Variants in C1QB observed in about 807,000 individuals in gnomAD.
C1QB encodes the protein complement C1q B chain, also known as complement C1q subcomponent subunit B.
Under a neutral mutation model 4.6 loss-of-function variants are expected in C1QB, and 2 were observed. That is an observed-to-expected ratio of 0.43 (90% CI 0.18 to 1.36). C1QB has a LOEUF of 1.36. Among genes scored for constraint, C1QB ranks in the 40% most tolerant of loss-of-function variants. C1QB has a pLI of 0.28. For synonymous variants in C1QB, 132 were observed against 137.1 expected, an observed-to-expected ratio of 0.96 and a Z score of 0.26; for missense variants, 292 against 338.0, an observed-to-expected ratio of 0.86 and a Z score of 1.07.
At chr1:22,654,173 G>C (rs1642494146) in intron 1 of C1QB, 1 of 152,550 alleles carries the variant, frequency 6.6e-6, no homozygotes, top group Admixed American at 6.5e-5. Context: ...CAGAGCCTGG[G>C]GGGAGGACAG....
At chr1:22,659,712 A>C in intron 2 of C1QB, 69 bp downstream of exon 2, 1 of 1,535,486 alleles carries the variant, frequency 6.5e-7, no homozygotes, top group Non-Finnish European at 8.8e-7. Context: ...CCCAAGTCAC[A>C]GTTGCCTACC....
intron 2 of C1QB, among the ~76,000 whole-genome samples, 198 bp from the exon 3 acceptor site, chr1:22,660,614 C>T (rs1274580540): frequency 1.3e-5 from 2 of 152,118 alleles, no homozygotes; most frequent in African/African-American, 4.8e-5. Flanking sequence ...ATCAGCAGCC[C>T]CCAAGAAGGT....
At chr1:22,653,554 G>A (rs1642485179) in intron 1 of C1QB, among the ~76,000 whole-genome samples, 1 of 152,166 alleles carries the variant, frequency 6.6e-6, no homozygotes, top group South Asian at 2.1e-4. Context: ...AGGAGCTTTG[G>A]CATCGCAGAG....
intron 1 of C1QB, among the ~76,000 whole-genome samples, chr1:22,653,814 C>T (rs1450490843): frequency 6.6e-6 from 1 of 152,180 alleles, no homozygotes; most frequent in Non-Finnish European, 1.5e-5. Flanking sequence ...TGCTTATTTC[C>T]TCATACTCGC....
In C1QB at chr1:22,661,542, G is replaced by A; in HGVS notation, c.*156G>A. On this transcript the variant is annotated 3_prime_UTR_variant, in exon 3 of 3. Coordinates refer to ENST00000509305, the MANE Select transcript of C1QB (RefSeq NM_001378156.1). Reference sequence around the variant, plus strand: ...AACTCTTCAAGGCCAAGGGACAGTGGTCTAATTCAACTCTGTGTCCCAGCA... The same window carrying A: ...AACTCTTCAAGGCCAAGGGACAGTGATCTAATTCAACTCTGTGTCCCAGCA... 1 of 834,132 alleles carries A rather than the reference G, an allele frequency of 1.2e-6. No homozygotes were observed. Among genetic ancestry groups the A allele is most frequent in the South Asian group, 1.5e-5 (1 of 64,868 alleles). The allele number at this position is 834,132 out of a possible 1,614,324, so 51.7% of individuals were successfully genotyped here. A position where few individuals can be genotyped will look rare whatever the true frequency, so the allele number is the denominator to read the frequency against.
Position 22,659,625 on chromosome 1 carries a change from G to A in C1QB, c.163G>A (p.Gly55Arg), listed in dbSNP as rs771991923. 1.2e-6 allele frequency: 2 copies of A among 1,613,208 alleles called. No individual in the cohort carries two copies. The highest frequency in any genetic ancestry group is 1.7e-6 in the Non-Finnish European group (2 of 1,179,538). ...CCCCGATGGCCAACCTGGGACCCCA[G>A]GGATAAAAGGAGAGAAAGGTACCAT... is the stretch of plus-strand genomic sequence containing the variant. ...PGPDGQPGTP[G>R]IKGEKGLPGL... Residue 55 changes from glycine to arginine, a missense_variant, in exon 2 of 3, where the codon GGG (glycine) becomes AGG (arginine). By Grantham distance (125) the Gly-to-Arg change is moderately radical. Transcript: ENST00000509305.
Position 22,660,947 on chromosome 1 carries a change from G to T in C1QB, c.317G>T (p.Gly106Val). ...GGCCCAGGGGCCCCTGGAGCCCCAG[G>T]CCCCAAAGGTGAATCGGGAGACTAC... ...KGGPGAPGAPGPKGESGDYKA... is the reference protein window; with the variant it reads ...KGGPGAPGAPVPKGESGDYKA... Residue 106 changes from glycine to valine, a missense_variant, in exon 3 of 3, where the codon GGC becomes GTC. Transcript: ENST00000509305. 1 of 1,613,848 alleles carries T rather than the reference G, an allele frequency of 6.2e-7. No individual in the cohort carries two copies. The highest frequency in any genetic ancestry group is 8.5e-7 in the Non-Finnish European group (1 of 1,179,894).
Position 22,661,052 on chromosome 1 carries a change from A to G in C1QB, c.422A>G (p.Asp141Gly). The G allele has an allele frequency of 6.2e-7, 1 of 1,613,920 alleles. No homozygotes were observed. Among genetic ancestry groups the G allele is most frequent in the Non-Finnish European group, 8.5e-7 (1 of 1,179,966 alleles). Residue 141 changes from aspartate (D) to glycine (G), a missense_variant, in exon 3 of 3, where the codon GAC (aspartate) becomes GGC (glycine). By Grantham distance (94) the Asp-to-Gly change is moderately conservative. Coordinates refer to ENST00000509305, the MANE Select transcript of C1QB (RefSeq NM_001378156.1). The stretch of plus-strand genomic sequence containing the variant: ...CGCCGGGACCAGACCATCCGCTTCG[A>G]CCACGTGATCACCAACATGAACAAC... ...PLRRDQTIRF[D>G]HVITNMNNNY...
chr1:22,659,037 A>G (rs865859226), intron 1 of C1QB, among the ~76,000 whole-genome samples: 26 of 112,256 alleles, frequency 2.3e-4, no homozygotes, highest in South Asian at 3.7e-4. Flanking sequence ...ATAGAGAGAC[A>G]GATGGATGGA....
chr1:22,661,492 A>G lies in C1QB; in HGVS notation c.*106A>G, dbSNP rs1642622782. The G allele has an allele frequency of 3.0e-6, 4 of 1,330,220 alleles. No homozygotes were observed. The highest frequency in any genetic ancestry group is 4.3e-6 in the Non-Finnish European group (4 of 933,612). The allele number at this position is 1,330,220 out of a possible 1,614,324, so 82.4% of individuals were successfully genotyped here. A position where few individuals can be genotyped will look rare whatever the true frequency, so the allele number is the denominator to read the frequency against. ...CAATGCACACAGTAGGGCTTGGTGA[A>G]TGCTGCTGAGTGAATGAGTAAATAA... On this transcript the variant is annotated 3_prime_UTR_variant, in exon 3 of 3. Coordinates refer to ENST00000509305, the MANE Select transcript of C1QB (RefSeq NM_001378156.1).
At chr1:22,653,851 A>G (rs908140609) in intron 1 of C1QB, among the ~76,000 whole-genome samples, 1 of 152,198 alleles carries the variant, frequency 6.6e-6, no homozygotes, top group African/African-American at 2.4e-5. Flanking sequence ...GACTCTTCCA[A>G]AGAAATAAGG....
At chr1:22,660,330 C>G (rs1322453120) in intron 2 of C1QB, among the ~76,000 whole-genome samples, 1 of 152,200 alleles carries the variant, frequency 6.6e-6, no homozygotes, top group Non-Finnish European at 1.5e-5. Context: ...GCCCTATTCT[C>G]TGCCACTCTA....
chr1:22,660,870 T>C lies in C1QB; in HGVS notation c.240T>C (p.Ile80=), dbSNP rs776515186. 6.2e-7 allele frequency: 1 copy of C among 1,613,636 alleles called. No homozygotes were observed. The highest frequency in any genetic ancestry group is 1.1e-5 in the South Asian group (1 of 91,076). ...GEFGEKGDPG[I]PGNPGKVGPK... Reference sequence around the variant, plus strand: ...TCGGAGAGAAGGGAGACCCAGGGATTCCTGGGAATCCAGGAAAAGTCGGCC... The same window carrying C: ...TCGGAGAGAAGGGAGACCCAGGGATCCCTGGGAATCCAGGAAAAGTCGGCC... The change falls in exon 3 of 3, where the codon ATT becomes ATC. Residue 80 remains isoleucine, a synonymous_variant. Coordinates refer to ENST00000509305, the MANE Select transcript of C1QB (RefSeq NM_001378156.1).
At position 22,661,060 on chromosome 1, in the gene C1QB, A is replaced by G; in HGVS notation, c.430A>G (p.Ile144Val). ...RDQTIRFDHV[I>V]TNMNNNYEPR... ...CCAGACCATCCGCTTCGACCACGTG[A>G]TCACCAACATGAACAACAATTATGA... The change falls in exon 3 of 3, where the codon ATC becomes GTC. Residue 144 changes from isoleucine to valine, a missense_variant. Coordinates refer to ENST00000509305, the MANE Select transcript of C1QB (RefSeq NM_001378156.1). 6.2e-7 allele frequency: 1 copy of G among 1,614,000 alleles called. No homozygotes were observed. Among genetic ancestry groups the G allele is most frequent in the Non-Finnish European group, 8.5e-7 (1 of 1,179,974 alleles).
chr1:22,657,026 C>T (rs554473762), intron 1 of C1QB, among the ~76,000 whole-genome samples: 72 of 152,264 alleles, frequency 4.7e-4, no homozygotes, highest in South Asian at 1.5e-3. Flanking sequence ...GGAACCTCCT[C>T]GTGTTCAGCT....
intron 1 of C1QB, 44 bp from the exon 2 acceptor site, chr1:22,659,396 T>C: frequency 1.3e-6 from 2 of 1,502,460 alleles, no homozygotes; most frequent in African/African-American, 1.4e-5. Flanking sequence ...GGATGGATGA[T>C]AGGATCACCA....
chr1:22,657,931 C>A (rs1178790756), intron 1 of C1QB, among the ~76,000 whole-genome samples: 1 of 152,166 alleles, frequency 6.6e-6, no homozygotes, highest in East Asian at 1.9e-4. Flanking sequence ...AGAGTCACAG[C>A]TCTGAGAATA....
At chr1:22,655,383 A>G (rs12756603) in intron 1 of C1QB, among the ~76,000 whole-genome samples, 30,026 of 152,100 alleles carry the variant, frequency 0.2, 3,655 homozygotes, top group South Asian at 0.33. Context: ...GGCATAACTC[A>G]GGGCTTTCAG....
chr1:22,658,916 G>GAGGA (rs1557611653), intron 1 of C1QB, among the ~76,000 whole-genome samples: 2 of 92,628 alleles, frequency 2.2e-5, no homozygotes, highest in Non-Finnish European at 5.6e-5. Context: ...GATGGATGCA[G>GAGGA]GGATGGAGGG....
Sources: gnomAD v4.1 joint callset for allele counts (sites outside exome capture counted in the v4.1 genomes callset) on GRCh38, gnomAD v4.1.1 for gene constraint, MANE v1.5 for transcripts, NCBI Gene and HGNC (gene_info 2026-07-23, HGNC 2026-07-21) for gene names.